Variants in TIAM2 observed in about 807,000 individuals in gnomAD.
The protein encoded by TIAM2 is TIAM Rac1 associated GEF 2, also known as rho guanine nucleotide exchange factor TIAM2.
A neutral mutation model predicts 152.9 loss-of-function variants in TIAM2; 80 were observed. The observed-to-expected ratio is 0.52, with a 90% CI of 0.44 to 0.63. The LOEUF (loss-of-function observed/expected upper bound fraction) is 0.63, where lower values mean the gene tolerates loss of function less well. Among genes scored for constraint, TIAM2 ranks in the 30% least tolerant of loss-of-function variants. TIAM2 has a pLI of 0.00. For missense variants in TIAM2, 1,965 were observed against 2,120.1 expected, an observed-to-expected ratio of 0.93 and a Z score of 1.44; for synonymous variants, 804 against 838.0, an observed-to-expected ratio of 0.96 and a Z score of 0.70.
intron 14 of TIAM2, among the ~76,000 whole-genome samples, chr6:155,188,315 C>T (rs943853965): frequency 6.6e-6 from 1 of 152,236 alleles, no homozygotes; most frequent in African/African-American, 2.4e-5. Flanking sequence ...TCACCAGCTT[C>T]ACTCCACTAT....
At chr6:155,078,788 A>T (rs1182986690) in intron 1 of TIAM2, among the ~76,000 whole-genome samples, 1 of 151,676 alleles carries the variant, frequency 6.6e-6, no homozygotes, top group Admixed American at 6.6e-5. Context: ...GATTCCACAC[A>T]CTCTTCAAAT....
At position 155,125,850 on chromosome 6, in the gene TIAM2, G is replaced by GA. The variant is rs890990697; in HGVS notation, c.-117-1630dup. ...AAGACTCTGTCTCCAAAAAAAGAGA[G>GA]AAAAAAAAAAGAATTACAAATAGAA... On this transcript the variant is annotated intron_variant, in intron 2 of 26. Transcript: ENST00000682666. Among the ~76,000 whole-genome samples the GA allele has an allele frequency of 2.1e-3, 304 of 144,220 alleles. 3 individuals carry two copies. The highest frequency in any genetic ancestry group is 6.4e-3 in the African/African-American group (253 of 39,252). 94.6% of individuals were successfully genotyped at this position (144,220 alleles called of 152,430 possible).
At chr6:155,107,495 A>C (rs1045646701) in intron 2 of TIAM2, among the ~76,000 whole-genome samples, 2 of 152,232 alleles carry the variant, frequency 1.3e-5, no homozygotes, top group African/African-American at 4.8e-5. Flanking sequence ...CAGTGTGATC[A>C]TGTTAAAGCA....
rs908303674 is a variant in TIAM2, at chr6:155,126,824, T to A, written c.-117-666T>A. Among the ~76,000 whole-genome samples, 4 of 150,848 alleles carry A rather than the reference T, an allele frequency of 2.7e-5. No individual in the cohort carries two copies. In the East Asian group the frequency reaches 5.8e-4, roughly 22 times the overall value. On this transcript the variant is annotated intron_variant, in intron 2 of 26. Transcript: ENST00000682666. Reference sequence around the variant, plus strand: ...ACAAATAAACTTTTTTTTTTTTTTTTAAAGGAACAAAAAGTCACTATTAAG... The same window carrying A: ...ACAAATAAACTTTTTTTTTTTTTTTAAAAGGAACAAAAAGTCACTATTAAG...
intron 7 of TIAM2, among the ~76,000 whole-genome samples, chr6:155,154,664 A>G (rs1385216836): frequency 1.3e-5 from 2 of 152,122 alleles, no homozygotes; most frequent in Admixed American, 6.5e-5. Flanking sequence ...ATTCTCCCAG[A>G]TGGCATCCCC....
chr6:155,240,089 C>T (rs367680804), intron 15 of TIAM2, among the ~76,000 whole-genome samples: 11 of 152,198 alleles, frequency 7.2e-5, no homozygotes, highest in South Asian at 4.1e-4. Context: ...TGAGTCTCTC[C>T]GGGCTGTTCT....
chr6:155,238,216 G>A (rs1181773666), intron 15 of TIAM2, among the ~76,000 whole-genome samples: 2 of 152,200 alleles, frequency 1.3e-5, no homozygotes, highest in Non-Finnish European at 2.9e-5. Context: ...AACATAACAA[G>A]GGTCAGCTTT....
In TIAM2 at chr6:155,256,515, T is replaced by C; in HGVS notation, c.4500T>C (p.Asn1500=). Residue 1500 remains asparagine (N), a synonymous_variant, in exon 27 of 27, where the codon AAT becomes AAC. Transcript: ENST00000682666. ...CCAGGTCTTTAAAAGTCCTGAAGAA[T>C]TCCTCCAGCAACGAGTGGACCGGTG... The part of the protein sequence containing the change: ...ASSRSLKVLK[N]SSSNEWTGET... 6.2e-7 allele frequency: 1 copy of C among 1,614,230 alleles called. No homozygotes were observed. The highest frequency in any genetic ancestry group is 1.3e-5 in the African/African-American group (1 of 75,070).
intron 10 of TIAM2, among the ~76,000 whole-genome samples, chr6:155,177,958 G>A (rs934463086): frequency 1.3e-5 from 2 of 151,980 alleles, no homozygotes; most frequent in African/African-American, 4.8e-5. Flanking sequence ...TCAGGAGATC[G>A]AGACCATCCT....
At chr6:155,171,285 G>A (rs1203389062) in intron 9 of TIAM2, among the ~76,000 whole-genome samples, 1 of 152,174 alleles carries the variant, frequency 6.6e-6, no homozygotes, top group Non-Finnish European at 1.5e-5. Flanking sequence ...ACTTTGGCTT[G>A]CCAAAAATGA....
At chr6:155,002,439 T>G (rs1778328672) in intron 1 of TIAM2, among the ~76,000 whole-genome samples, 1 of 152,080 alleles carries the variant, frequency 6.6e-6, no homozygotes, top group Admixed American at 6.6e-5. Context: ...CATAATATGC[T>G]TAGAACCTGG....
At chr6:155,164,674 T>C (rs1780372825) in intron 8 of TIAM2, 74 bp downstream of exon 8, 1 of 1,524,184 alleles carries the variant, frequency 6.6e-7, no homozygotes, top group Non-Finnish European at 8.8e-7. Flanking sequence ...TTCAGCTTGT[T>C]GCCATCGGCA....
At chr6:155,240,046 C>T (rs780603871) in intron 15 of TIAM2, among the ~76,000 whole-genome samples, 9 of 152,226 alleles carry the variant, frequency 5.9e-5, no homozygotes, top group Admixed American at 2.0e-4. Context: ...GTGGCCAGGT[C>T]GTCCTGTAAT....
At chr6:155,124,730 T>A (rs1299649521) in intron 2 of TIAM2, among the ~76,000 whole-genome samples, 1 of 152,160 alleles carries the variant, frequency 6.6e-6, no homozygotes, top group Non-Finnish European at 1.5e-5. Flanking sequence ...ATCCCCTTTT[T>A]AGACGTGTGA....
chr6:155,036,050 A>G (rs9480025), intron 1 of TIAM2, among the ~76,000 whole-genome samples: 73,607 of 151,956 alleles, frequency 0.48, 18,066 homozygotes, highest in Non-Finnish European at 0.52. Context: ...CTGTGTACAG[A>G]GTATGTATCA....
intron 18 of TIAM2, 56 bp from the exon 19 acceptor site, chr6:155,245,567 G>A (rs760402672): frequency 7.7e-6 from 11 of 1,427,566 alleles, no homozygotes; most frequent in Non-Finnish European, 1.1e-5. Flanking sequence ...AATGCCATAA[G>A]CCAGCACGCA....
intron 1 of TIAM2, among the ~76,000 whole-genome samples, chr6:155,081,225 A>G (rs1477643770): frequency 1.3e-5 from 2 of 152,086 alleles, no homozygotes; most frequent in Non-Finnish European, 2.9e-5. Flanking sequence ...AAGTCCAGGG[A>G]TTCTGTGACC....
At chr6:155,171,248 TCTTA>T (rs1016162037) in intron 9 of TIAM2, among the ~76,000 whole-genome samples, 194 of 152,312 alleles carry the variant, frequency 1.3e-3, no homozygotes, top group African/African-American at 4.5e-3. Flanking sequence ...ATAAAGCCAG[TCTTA>T]CTTGAACATT....
At chr6:155,106,017 A>T (rs900754547) in intron 2 of TIAM2, among the ~76,000 whole-genome samples, 5 of 149,956 alleles carry the variant, frequency 3.3e-5, no homozygotes, top group Admixed American at 2.0e-4. Context: ...ATTTTATTTT[A>T]TTTTTTTGAG....
Sources: allele counts gnomAD v4.1 joint callset (sites outside exome capture counted in the v4.1 genomes callset), GRCh38; gene constraint gnomAD v4.1.1; transcripts MANE v1.5; gene names NCBI Gene and HGNC (gene_info 2026-07-23, HGNC 2026-07-21).